The following EXOC2 variants were observed in gnomAD, a reference collection of about 807,000 sequenced individuals.
EXOC2 encodes SEC5-like 1.
EXOC2 carries 70 observed loss-of-function variants against 131.8 expected under a neutral mutation model. That is an observed-to-expected ratio of 0.53 (90% CI 0.44 to 0.65). The LOEUF (loss-of-function observed/expected upper bound fraction) is 0.65, where lower values mean the gene tolerates loss of function less well. EXOC2 is among the 30% of genes least tolerant of loss of function. The pLI is 0.00. For synonymous variants in EXOC2, 411 were observed against 398.4 expected, an observed-to-expected ratio of 1.03 and a Z score of -0.38; for missense variants, 923 against 1,108.6, an observed-to-expected ratio of 0.83 and a Z score of 2.38.
At chr6:599,052 T>C in intron 8 of EXOC2, 28 bp downstream of exon 8, 3 of 1,587,434 alleles carry the variant, frequency 1.9e-6, no homozygotes, top group Non-Finnish European at 2.6e-6. Flanking sequence ...TCTACAACCA[T>C]ATGTAAATAA....
intron 11 of EXOC2, among the ~76,000 whole-genome samples, chr6:586,374 T>C (rs971237221): frequency 8.5e-5 from 13 of 152,208 alleles, no homozygotes; most frequent in Admixed American, 6.5e-4. Flanking sequence ...CCAGGATCCC[T>C]CCTAAGGGAC....
rs772040807 is a variant in EXOC2 at position 585,793 on chromosome 6, T to C, written c.1192+6676A>G. On this transcript the variant is annotated intron_variant, in intron 11 of 27. Coordinates refer to ENST00000230449, the MANE Select transcript of EXOC2 (RefSeq NM_018303.6). ...ACAGACATCAAGAATTATTTTTCCGTTTGAAATATTTATAGTCTATCCATT... is the reference window on the plus strand; with the variant it reads ...ACAGACATCAAGAATTATTTTTCCGCTTGAAATATTTATAGTCTATCCATT... Among the ~76,000 whole-genome samples, 17 of 152,242 alleles carry C rather than the reference T, an allele frequency of 1.1e-4. 1 individual carries two copies. Among genetic ancestry groups the C allele is most frequent in the Admixed American group, 3.3e-4 (5 of 15,284 alleles).
chr6:575,919 C>T (rs1211444394), intron 12 of EXOC2, among the ~76,000 whole-genome samples: 1 of 152,118 alleles, frequency 6.6e-6, no homozygotes, highest in Non-Finnish European at 1.5e-5. Context: ...GAATGAGAAT[C>T]GGACAAGAAG....
At chr6:665,871 C>T (rs1319059522) in intron 1 of EXOC2, among the ~76,000 whole-genome samples, 1 of 152,152 alleles carries the variant, frequency 6.6e-6, no homozygotes, top group Non-Finnish European at 1.5e-5. Context: ...TCTCACAAGT[C>T]ACCACTAAGA....
chr6:670,845 TG>T (rs1407596207), intron 1 of EXOC2, among the ~76,000 whole-genome samples: 2 of 152,200 alleles, frequency 1.3e-5, no homozygotes, highest in Non-Finnish European at 2.9e-5. Flanking sequence ...GCCAAGTCTC[TG>T]GAATAAATTC....
chr6:572,409 G>T, intron 13 of EXOC2, 111 bp downstream of exon 13: 1 of 1,326,148 alleles, frequency 7.5e-7, no homozygotes, highest in Non-Finnish European at 1.0e-6. Context: ...CTATGACGAT[G>T]GCTAGAGATG....
intron 10 of EXOC2, among the ~76,000 whole-genome samples, chr6:594,853 T>C (rs1205932872): frequency 6.6e-6 from 1 of 152,232 alleles, no homozygotes; most frequent in East Asian, 1.9e-4. Flanking sequence ...TAAAAATAAG[T>C]AGTTACATTT....
intron 1 of EXOC2, among the ~76,000 whole-genome samples, chr6:655,102 C>T (rs1763011299): frequency 6.6e-6 from 1 of 152,052 alleles, no homozygotes; most frequent in African/African-American, 2.4e-5. Flanking sequence ...CCAAAGCATC[C>T]CATGCTAAAG....
At chr6:534,433 C>CAGAGAG (rs34753404) in intron 22 of EXOC2, among the ~76,000 whole-genome samples, 19 of 148,520 alleles carry the variant, frequency 1.3e-4, no homozygotes, top group East Asian at 3.9e-4. Flanking sequence ...GAGAGAGAGA[C>CAGAGAG]AGAGAGAGAG....
intron 1 of EXOC2, among the ~76,000 whole-genome samples, chr6:646,574 G>T (rs757937303): frequency 6.6e-6 from 1 of 152,164 alleles, no homozygotes; most frequent in Non-Finnish European, 1.5e-5. Context: ...AGCCTGCTAA[G>T]CTACACAACA....
chr6:616,267 C>T (rs113203233), intron 6 of EXOC2, among the ~76,000 whole-genome samples: 12 of 152,306 alleles, frequency 7.9e-5, no homozygotes, highest in African/African-American at 2.4e-4. Flanking sequence ...AGAGCACCTA[C>T]CTTCTCTGTT....
chr6:486,926 C>CATCA (rs59179599), intron 27 of EXOC2, among the ~76,000 whole-genome samples, 162 bp from the exon 28 acceptor site: 150,163 of 152,216 alleles, frequency 0.99, 74,096 homozygotes, highest in East Asian at 1. Flanking sequence ...AAAAGAAACA[C>CATCA]ATCAAAGAAG....
At chr6:640,864 C>T (rs1033435994) in intron 1 of EXOC2, among the ~76,000 whole-genome samples, 2 of 146,682 alleles carry the variant, frequency 1.4e-5, no homozygotes, top group South Asian at 2.2e-4. Flanking sequence ...AACAGCCCTA[C>T]CAAACTACTA....
chr6:529,974 A>C (rs1765982017), intron 23 of EXOC2, among the ~76,000 whole-genome samples: 3 of 151,846 alleles, frequency 2.0e-5, no homozygotes, highest in Admixed American at 2.0e-4. Flanking sequence ...TAAATAGTTA[A>C]ACAGACAGAC....
At chr6:581,518 C>T (rs564785749) in intron 11 of EXOC2, among the ~76,000 whole-genome samples, 1 of 152,168 alleles carries the variant, frequency 6.6e-6, no homozygotes, top group South Asian at 2.1e-4. Flanking sequence ...GCACATCACC[C>T]TATAGTGTGG....
At chr6:583,211 C>T (rs1759010227) in intron 11 of EXOC2, among the ~76,000 whole-genome samples, 1 of 152,154 alleles carries the variant, frequency 6.6e-6, no homozygotes, top group South Asian at 2.1e-4. Flanking sequence ...TTACAATTAT[C>T]AGTATTTTTA....
At chr6:542,275 A>C (rs1756600432) in intron 22 of EXOC2, among the ~76,000 whole-genome samples, 1 of 152,224 alleles carries the variant, frequency 6.6e-6, no homozygotes, top group African/African-American at 2.4e-5. Context: ...TATATGGATA[A>C]AATATTTAAC....
At chr6:689,483 T>C (rs548419089) in intron 1 of EXOC2, among the ~76,000 whole-genome samples, 2 of 152,318 alleles carry the variant, frequency 1.3e-5, no homozygotes, top group Admixed American at 6.5e-5. Context: ...GGGCCTTTGC[T>C]CCTGGTATGC....
chr6:579,867 A>C (rs1226883740), intron 11 of EXOC2, among the ~76,000 whole-genome samples: 2 of 152,190 alleles, frequency 1.3e-5, no homozygotes, highest in Non-Finnish European at 2.9e-5. Context: ...TGGTTTCATG[A>C]GTAAGCATTT....
Sources: allele counts gnomAD v4.1 joint callset (sites outside exome capture counted in the v4.1 genomes callset), GRCh38; gene constraint gnomAD v4.1.1; transcripts MANE v1.5; gene names NCBI Gene and HGNC (gene_info 2026-07-23, HGNC 2026-07-21).